Variants in PRMT3 observed in about 807,000 individuals in gnomAD.
PRMT3 encodes the protein protein arginine methyltransferase 3.
In PRMT3, 62 loss-of-function variants were observed where a neutral mutation model predicts 71.9. That is an observed-to-expected ratio of 0.86 (90% CI 0.70 to 1.07). The LOEUF is 1.07. Ranked by LOEUF, PRMT3 falls within the 50% of genes least tolerant of loss-of-function variation. PRMT3 has a pLI of 0.00. For synonymous variants in PRMT3, 213 were observed against 220.4 expected, an observed-to-expected ratio of 0.97 and a Z score of 0.30; for missense variants, 663 against 643.0, an observed-to-expected ratio of 1.03 and a Z score of -0.34.
At chr11:20,416,026 A>G (rs903338056) in intron 9 of PRMT3, among the ~76,000 whole-genome samples, 1 of 152,146 alleles carries the variant, frequency 6.6e-6, no homozygotes, top group African/African-American at 2.4e-5. Context: ...AGTCCTGTTG[A>G]GTATCCTTAA....
At chr11:20,483,844 T>C (rs1851005881) in intron 13 of PRMT3, among the ~76,000 whole-genome samples, 1 of 152,198 alleles carries the variant, frequency 6.6e-6, no homozygotes, top group Non-Finnish European at 1.5e-5. Context: ...GTATGGCTTC[T>C]TCTTGAAAGC....
intron 2 of PRMT3, 134 bp from the exon 3 acceptor site, chr11:20,389,606 GTGTT>G (rs1434492719): frequency 1.9e-6 from 1 of 537,546 alleles, no homozygotes; most frequent in Non-Finnish European, 3.2e-6. Context: ...AGATACAAGT[GTGTT>G]TGTTTTTTCT....
intron 15 of PRMT3, among the ~76,000 whole-genome samples, chr11:20,496,044 T>C (rs1851323561): frequency 6.6e-6 from 1 of 152,198 alleles, no homozygotes; most frequent in African/African-American, 2.4e-5. Flanking sequence ...AGTATAGATG[T>C]ACCATCCCTA....
intron 3 of PRMT3, among the ~76,000 whole-genome samples, chr11:20,390,839 A>G (rs1314178374): frequency 6.6e-6 from 1 of 152,218 alleles, no homozygotes; most frequent in Non-Finnish European, 1.5e-5. Context: ...TCACAAGGTC[A>G]GGAGATCGAG....
intron 13 of PRMT3, among the ~76,000 whole-genome samples, chr11:20,487,334 G>T (rs1011935343): frequency 6.6e-6 from 1 of 152,126 alleles, no homozygotes. Flanking sequence ...GTGCCTGTCA[G>T]CAGTAGACTA....
intron 5 of PRMT3, 68 bp downstream of exon 5, chr11:20,393,067 A>G: frequency 1.0e-6 from 1 of 959,526 alleles, no homozygotes; most frequent in East Asian, 2.5e-5. Flanking sequence ...AAATGGAGGT[A>G]GAGTGTTTTA....
chr11:20,443,479 C>T (rs891784263), intron 10 of PRMT3, among the ~76,000 whole-genome samples: 1 of 152,198 alleles, frequency 6.6e-6, no homozygotes, highest in Non-Finnish European at 1.5e-5. Flanking sequence ...AGAAGCCAAA[C>T]TATCAATGAC....
intron 2 of PRMT3, among the ~76,000 whole-genome samples, chr11:20,389,381 A>C (rs1377416231): frequency 6.6e-6 from 1 of 152,216 alleles, no homozygotes; most frequent in African/African-American, 2.4e-5. Flanking sequence ...CAGAGTTGAC[A>C]CTTAGAGGAG....
intron 10 of PRMT3, among the ~76,000 whole-genome samples, chr11:20,448,146 AT>A (rs35376301): frequency 0.43 from 64,889 of 151,010 alleles, 15,792 homozygotes; most frequent in Non-Finnish European, 0.56. Flanking sequence ...GTGCTCATAG[AT>A]TTTTTTTTTC....
chr11:20,493,261 G>A (rs757788470), intron 13 of PRMT3, among the ~76,000 whole-genome samples: 2 of 151,804 alleles, frequency 1.3e-5, no homozygotes, highest in Non-Finnish European at 2.9e-5. Flanking sequence ...AAAAAAATAA[G>A]TAACATTTTA....
chr11:20,394,089 T>C (rs7395927), intron 5 of PRMT3, among the ~76,000 whole-genome samples: 124,845 of 152,126 alleles, frequency 0.82, 53,148 homozygotes, highest in Non-Finnish European at 0.95. Flanking sequence ...TTGGCTTAGC[T>C]ATTTTGTCCT....
chr11:20,432,683 T>C (rs1596376), intron 10 of PRMT3, among the ~76,000 whole-genome samples: 41,618 of 152,090 alleles, frequency 0.27, 5,941 homozygotes, highest in South Asian at 0.37. Flanking sequence ...TTACCAACAG[T>C]GTATAAGAAT....
intron 15 of PRMT3, among the ~76,000 whole-genome samples, chr11:20,505,877 A>C (rs201394780): frequency 1.4e-5 from 2 of 142,908 alleles, no homozygotes; most frequent in East Asian, 2.0e-4. Flanking sequence ...AAAAAAAAAA[A>C]CAAAACCCAC....
chr11:20,505,865 C>CA (rs11309284), intron 15 of PRMT3, among the ~76,000 whole-genome samples: 5 of 141,212 alleles, frequency 3.5e-5, no homozygotes, highest in Admixed American at 1.4e-4. Flanking sequence ...ATATTTTTAC[C>CA]AAAAAAAAAA....
chr11:20,443,628 GA>G lies in PRMT3; in HGVS notation c.994-8501del, dbSNP rs1849958710. Among the ~76,000 whole-genome samples, 7 of 152,258 alleles carry G rather than the reference GA, an allele frequency of 4.6e-5. No homozygotes were observed. The South Asian group carries it at 1.5e-3, about 32-fold the overall frequency. On this transcript the variant is annotated intron_variant, in intron 10 of 15. Transcript: ENST00000331079. ...TGAATTTTTTTCACCCACCATGGGG[GA>G]TTGGGAATATTGTTTTAGAAACTGT...
At chr11:20,419,768 CATT>C (rs746104806) in intron 9 of PRMT3, among the ~76,000 whole-genome samples, 16 of 152,066 alleles carry the variant, frequency 1.1e-4, no homozygotes, top group Non-Finnish European at 2.2e-4. Context: ...AATCAAGCAT[CATT>C]ATATGAGGTC....
intron 13 of PRMT3, among the ~76,000 whole-genome samples, chr11:20,479,861 T>A (rs114143108): frequency 0.011 from 1,688 of 152,228 alleles, 37 homozygotes; most frequent in African/African-American, 0.039. Context: ...TATGTTGACA[T>A]GTTCACCAAA....
At chr11:20,411,448 T>C (rs1849190340) in intron 9 of PRMT3, among the ~76,000 whole-genome samples, 1 of 152,112 alleles carries the variant, frequency 6.6e-6, no homozygotes, top group South Asian at 2.1e-4. Flanking sequence ...CTCAATCTTG[T>C]AAAGTGTCAT....
chr11:20,453,830 G>T (rs1385124130), intron 11 of PRMT3, among the ~76,000 whole-genome samples: 1 of 152,054 alleles, frequency 6.6e-6, no homozygotes, highest in Non-Finnish European at 1.5e-5. Context: ...TCGGAGTACA[G>T]TCTTTGCATT....
Sources: gnomAD v4.1 joint callset for allele counts (sites outside exome capture counted in the v4.1 genomes callset) on GRCh38, gnomAD v4.1.1 for gene constraint, MANE v1.5 for transcripts, NCBI Gene and HGNC (gene_info 2026-07-23, HGNC 2026-07-21) for gene names.